Variants in GABRA4 observed in about 807,000 individuals in gnomAD.
The protein encoded by GABRA4 is gamma-aminobutyric acid type A receptor subunit alpha4.
In GABRA4, 12 loss-of-function variants were observed where a neutral mutation model predicts 49.7. The ratio of observed to expected loss-of-function variants is 0.24; its 90% confidence interval spans 0.15 to 0.39. The LOEUF (loss-of-function observed/expected upper bound fraction) is 0.39, where lower values mean the gene tolerates loss of function less well. Ranked by LOEUF, GABRA4 falls within the 10% of genes least tolerant of loss-of-function variation. The pLI is 1.00. For missense variants in GABRA4, 506 were observed against 686.0 expected (o/e 0.74, Z 2.93); for synonymous variants, 288 against 240.2 (o/e 1.20, Z -1.84).
chr4:46,979,999 T>C (rs1056923903), intron 2 of GABRA4, among the ~76,000 whole-genome samples: 5 of 152,120 alleles, frequency 3.3e-5, no homozygotes, highest in African/African-American at 9.7e-5. Context: ...GAGTTTAGCA[T>C]GAAGCTTAAA....
At chr4:46,940,157 G>C (rs1478546364) in intron 8 of GABRA4, among the ~76,000 whole-genome samples, 1 of 151,990 alleles carries the variant, frequency 6.6e-6, no homozygotes, top group Non-Finnish European at 1.5e-5. Flanking sequence ...TTCTACAAGA[G>C]GAAATCTATT....
At chr4:46,970,737 C>A (rs1417395579) in intron 7 of GABRA4, among the ~76,000 whole-genome samples, 1 of 151,528 alleles carries the variant, frequency 6.6e-6, no homozygotes, top group Non-Finnish European at 1.5e-5. Flanking sequence ...GCTGCCAGTG[C>A]ATTTCTTTTT....
chr4:46,923,990 T>C lies in GABRA4; in HGVS notation c.*4235A>G, dbSNP rs2109929716. ...AGGTGCTGATAAAATTGCGCTTTCA[T>C]TTTTTTGTTTGTTTGTGGAAGTGGG... is the stretch of plus-strand genomic sequence containing the variant. On this transcript the variant is annotated 3_prime_UTR_variant, in exon 9 of 9. Transcript: ENST00000264318. 2 of 152,246 alleles carry C rather than the reference T, an allele frequency of 1.3e-5. No homozygotes were observed. Among genetic ancestry groups the C allele is most frequent in the East Asian group, 3.9e-4 (2 of 5,172 alleles). 9.4% of individuals were successfully genotyped at this position (152,246 alleles called of 1,614,324 possible).
chr4:46,983,012 G>A (rs1192432436), intron 2 of GABRA4, among the ~76,000 whole-genome samples: 2 of 151,976 alleles, frequency 1.3e-5, no homozygotes, highest in African/African-American at 2.4e-5. Context: ...AGGCTATTAG[G>A]TTCTTCCCAT....
At chr4:46,965,419 G>T (rs1365981843) in intron 7 of GABRA4, among the ~76,000 whole-genome samples, 190 bp from the exon 8 acceptor site, 4 of 151,876 alleles carry the variant, frequency 2.6e-5, no homozygotes, top group Non-Finnish European at 5.9e-5. Flanking sequence ...AGGCTTTGGA[G>T]TGAAAGATAT....
chr4:46,973,726 A>T lies in GABRA4; in HGVS notation c.721+506T>A, dbSNP rs1281002594. Reference sequence around the variant, plus strand: ...AAAGAAAAGAGAGACCAAGAATCATAAATAATAAACATCCCCCCTACTCAT... The same window carrying T: ...AAAGAAAAGAGAGACCAAGAATCATTAATAATAAACATCCCCCCTACTCAT... On this transcript the variant is annotated intron_variant, in intron 6 of 8. Transcript: ENST00000264318. 5.9e-5 allele frequency among the ~76,000 whole-genome samples: 9 copies of T among 151,956 alleles called. No individual in the cohort carries two copies. In the East Asian group the frequency reaches 1.6e-3, roughly 26 times the overall value.
intron 2 of GABRA4, chr4:46,992,619 G>A (rs906847346): frequency 7.0e-6 from 4 of 574,372 alleles, no homozygotes; most frequent in Admixed American, 3.0e-5. Flanking sequence ...TGGGGGAGAG[G>A]CAAAGCTTCT....
chr4:46,973,368 C>T (rs550680478), intron 6 of GABRA4, among the ~76,000 whole-genome samples: 1 of 151,656 alleles, frequency 6.6e-6, no homozygotes, highest in African/African-American at 2.4e-5. Flanking sequence ...CTCCCTACAC[C>T]TTTGGGGTCC....
At chr4:46,968,588 T>C (rs16859782) in intron 7 of GABRA4, among the ~76,000 whole-genome samples, 4,994 of 151,730 alleles carry the variant, frequency 0.033, 108 homozygotes, top group Admixed American at 0.066. Context: ...CCCTTAACTA[T>C]AAAAATAATG....
At chr4:46,977,374 T>C (rs915140336) in intron 4 of GABRA4, 36 bp downstream of exon 4, 5 of 1,166,060 alleles carry the variant, frequency 4.3e-6, no homozygotes, top group Middle Eastern at 2.9e-4. Context: ...AAGAAAAGAA[T>C]AAAAAAGGAA....
chr4:46,938,167 A>T (rs1379150135), intron 8 of GABRA4, among the ~76,000 whole-genome samples: 1 of 152,128 alleles, frequency 6.6e-6, no homozygotes, highest in Non-Finnish European at 1.5e-5. Flanking sequence ...TGGCCAAGTA[A>T]ATTCACCTTT....
intron 2 of GABRA4, among the ~76,000 whole-genome samples, chr4:46,981,095 G>A (rs1225751425): frequency 2.6e-5 from 4 of 151,926 alleles, no homozygotes; most frequent in African/African-American, 7.2e-5. Context: ...CATAAGGTGC[G>A]GCCTCACAAT....
intron 8 of GABRA4, among the ~76,000 whole-genome samples, chr4:46,948,684 T>C (rs73245902): frequency 1.8e-3 from 278 of 152,240 alleles, no homozygotes; most frequent in Middle Eastern, 3.4e-3. Context: ...CTTGGATTCA[T>C]ACTGTCTCTC....
chr4:46,984,772 A>G (rs1382787240), intron 2 of GABRA4, among the ~76,000 whole-genome samples: 2 of 151,934 alleles, frequency 1.3e-5, no homozygotes, highest in African/African-American at 4.8e-5. Flanking sequence ...CCATTTCAAG[A>G]TATATATATC....
Position 46,993,354 on chromosome 4 carries a change from A to T in GABRA4, c.71T>A (p.Leu24Gln). The T allele has an allele frequency of 2.5e-6, 4 of 1,614,194 alleles. No individual in the cohort carries two copies. Among genetic ancestry groups the T allele is most frequent in the Non-Finnish European group, 3.4e-6 (4 of 1,179,998 alleles). ...GAGAACTCACCAAACCGCCAGGCAC[A>T]GGAAGCGCAGGAGGGCGAAACTGAC... ...AGVSFALLRF[L>Q]CLAVCLNESP... Residue 24 changes from leucine to glutamine, a missense_variant, in exon 1 of 9, where the codon CTG (leucine) becomes CAG (glutamine). Transcript: ENST00000264318.
chr4:46,959,319 A>T (rs1342709878), intron 8 of GABRA4, among the ~76,000 whole-genome samples: 1 of 151,980 alleles, frequency 6.6e-6, no homozygotes, highest in African/African-American at 2.4e-5. Context: ...ATAGTCTTCA[A>T]GTAAGCCACT....
intron 7 of GABRA4, among the ~76,000 whole-genome samples, chr4:46,970,527 G>A (rs1423199235): frequency 6.6e-6 from 1 of 151,086 alleles, no homozygotes; most frequent in Non-Finnish European, 1.5e-5. Flanking sequence ...TATATATGAA[G>A]CCACTATAAA....
At chr4:46,937,444 G>GA (rs947964897) in intron 8 of GABRA4, among the ~76,000 whole-genome samples, 1 of 151,724 alleles carries the variant, frequency 6.6e-6, no homozygotes, top group African/African-American at 2.4e-5. Context: ...TTTTTTATAG[G>GA]AAAAAAACCA....
In GABRA4 at chr4:46,928,395, A is replaced by G. The variant is rs1721310034; in HGVS notation, c.1495T>C (p.Leu499=). 1.9e-6 allele frequency: 3 copies of G among 1,613,656 alleles called. No individual in the cohort carries two copies. The Admixed American group carries it at 5.0e-5, about 27-fold the overall frequency. The change falls in exon 9 of 9, where the codon TTG becomes CTG. Residue 499 remains leucine (L), a synonymous_variant. Coordinates refer to ENST00000264318, the MANE Select transcript of GABRA4 (RefSeq NM_000809.4). The part of the protein sequence containing the change: ...TVNTIGATGK[L]SATPPPSAPP... ...GCCGATGGAGGAGGAGTAGCTGACA[A>G]CTTCCCAGTAGCCCCTATGGTATTA... is the stretch of plus-strand genomic sequence containing the variant.
Sources: gnomAD v4.1 joint callset for allele counts (sites outside exome capture counted in the v4.1 genomes callset) on GRCh38, gnomAD v4.1.1 for gene constraint, MANE v1.5 for transcripts, NCBI Gene and HGNC (gene_info 2026-07-23, HGNC 2026-07-21) for gene names.